Variants in FRMD3 observed in about 807,000 individuals in gnomAD.
FRMD3 encodes FERM domain-containing protein 3.
In FRMD3, 33 loss-of-function variants were observed where a neutral mutation model predicts 70.2. The ratio of observed to expected loss-of-function variants is 0.47; its 90% CI spans 0.36 to 0.63. The LOEUF (loss-of-function observed/expected upper bound fraction) is 0.63, where lower values mean the gene tolerates loss of function less well. FRMD3 is among the 20% of genes least tolerant of loss of function. The pLI, the probability that FRMD3 is intolerant of heterozygous loss-of-function variation, is 0.00. For synonymous variants in FRMD3, 279 were observed against 255.9 expected (o/e 1.09, Z -0.86); for missense variants, 632 against 711.4 (o/e 0.89, Z 1.27).
At chr9:83,569,129 G>A in the FRMD3 span, among the ~76,000 whole-genome samples, 140 of 152,236 alleles carry the variant, frequency 9.2e-4, no homozygotes, top group African/African-American at 3.3e-3. Flanking sequence ...ATTTAAAAAA[G>A]GAGAATATGG....
intron 4 of FRMD3, among the ~76,000 whole-genome samples, chr9:83,349,049 C>G (rs1824056182): frequency 6.6e-6 from 1 of 152,208 alleles, no homozygotes; most frequent in African/African-American, 2.4e-5. Context: ...GTTAAGCGCA[C>G]AGCAGCGCTC....
At chr9:83,439,393 C>T (rs1827233676) in intron 1 of FRMD3, among the ~76,000 whole-genome samples, 1 of 152,190 alleles carries the variant, frequency 6.6e-6, no homozygotes, top group South Asian at 2.1e-4. Context: ...TTCTTCTTCA[C>T]AACTGGTTTG....
At chr9:83,443,021 G>A (rs935814718) in intron 1 of FRMD3, among the ~76,000 whole-genome samples, 1 of 152,170 alleles carries the variant, frequency 6.6e-6, no homozygotes, top group Non-Finnish European at 1.5e-5. Context: ...CCTTAGATGT[G>A]TATGTATAGA....
chr9:83,248,737 TG>T, intron 13 of FRMD3, among the ~76,000 whole-genome samples: 2 of 152,330 alleles, frequency 1.3e-5, no homozygotes, highest in Non-Finnish European at 2.9e-5. Context: ...ACTTCTCAAA[TG>T]GTTGGCAATA....
At chr9:83,256,561 A>G (rs11789998) in intron 13 of FRMD3, among the ~76,000 whole-genome samples, 49,803 of 152,044 alleles carry the variant, frequency 0.33, 8,844 homozygotes, top group Middle Eastern at 0.48. Context: ...AGAAACCATC[A>G]TCAGAGCAAA....
chr9:83,295,436 G>T (rs1324706010), intron 12 of FRMD3, among the ~76,000 whole-genome samples: 2 of 152,132 alleles, frequency 1.3e-5, no homozygotes, highest in Non-Finnish European at 2.9e-5. Context: ...GAATGTATCT[G>T]TCATATTCCA....
rs1299011371 is a variant in FRMD3 at position 83,245,546 on chromosome 9, ATATTT to A, written c.*2367_*2371del. On this transcript the variant is annotated 3_prime_UTR_variant, in exon 14 of 14. Coordinates refer to ENST00000304195, the MANE Select transcript of FRMD3 (RefSeq NM_174938.6). ...TGTTAGCTGGAAATGTTAAAATAATATATTTATTACTCCTTAAGATAAATCTGCAT... is the reference window on the plus strand; with the variant it reads ...TGTTAGCTGGAAATGTTAAAATAATAATTACTCCTTAAGATAAATCTGCAT... 5 of 934,504 alleles carry A rather than the reference ATATTT, an allele frequency of 5.4e-6. No homozygotes were observed. In the African/African-American group the frequency reaches 8.9e-5, roughly 17 times the overall value. The allele number at this position is 934,504 out of a possible 1,614,324, so 57.9% of individuals were successfully genotyped here. A position where few individuals can be genotyped will look rare whatever the true frequency, so the allele number is the denominator to read the frequency against.
intron 1 of FRMD3, among the ~76,000 whole-genome samples, chr9:83,471,805 T>C (rs1006117784): frequency 5.3e-5 from 8 of 152,216 alleles, no homozygotes; most frequent in Non-Finnish European, 1.2e-4. Context: ...GCTGTTTTAC[T>C]GACTGAACCC....
chr9:83,243,290 C>A (rs138720391), downstream of FRMD3: 75 of 1,418,186 alleles, frequency 5.3e-5, 1 homozygote, highest in Admixed American at 7.9e-5. Flanking sequence ...AAGTAAGCAG[C>A]GACCTTCAGC....
intron 3 of FRMD3, among the ~76,000 whole-genome samples, chr9:83,356,592 T>C (rs1330696548): frequency 1.3e-5 from 2 of 151,722 alleles, no homozygotes; most frequent in African/African-American, 2.4e-5. Flanking sequence ...TTTTTTTTTT[T>C]CTTAAAACCA....
Position 83,263,356 on chromosome 9 carries a change from C to T in FRMD3, c.1196-14840G>A, listed in dbSNP as rs931533203. On this transcript the variant is annotated intron_variant, in intron 13 of 13. Transcript: ENST00000304195. ...CATACCATCTTCTGGATCTCTTTAT[C>T]TTCACAGTCAGTCATTACACTGTGC... Among the ~76,000 whole-genome samples, 8 of 152,356 alleles carry T rather than the reference C, an allele frequency of 5.3e-5. No homozygotes were observed. The South Asian group carries it at 1.7e-3, about 32-fold the overall frequency.
chr9:83,448,568 C>T (rs546757362), intron 1 of FRMD3, among the ~76,000 whole-genome samples: 3 of 152,282 alleles, frequency 2.0e-5, no homozygotes, highest in Non-Finnish European at 2.9e-5. Context: ...CAAGTCAGCA[C>T]CAGCTCGGTT....
chr9:83,541,777 G>A (rs1027915345), upstream of FRMD3, among the ~76,000 whole-genome samples: 1 of 152,144 alleles, frequency 6.6e-6, no homozygotes, highest in Admixed American at 6.5e-5. Context: ...GTGACTCATA[G>A]GGATTTTGCT....
intron 1 of FRMD3, among the ~76,000 whole-genome samples, chr9:83,396,627 T>C (rs1457388169): frequency 1.3e-5 from 2 of 152,170 alleles, no homozygotes; most frequent in Admixed American, 1.3e-4. Context: ...CTGGGATAAT[T>C]CTTATTTACT....
At chr9:83,271,342 C>T (rs527965881) in intron 13 of FRMD3, among the ~76,000 whole-genome samples, 26 of 152,070 alleles carry the variant, frequency 1.7e-4, no homozygotes, top group Admixed American at 9.8e-4. Context: ...CATTAAGTAT[C>T]CATTAAAAAG....
At chr9:83,573,037 C>T in the FRMD3 span, among the ~76,000 whole-genome samples, 24 of 151,280 alleles carry the variant, frequency 1.6e-4, no homozygotes, top group African/African-American at 3.2e-4. Flanking sequence ...ATAAAAATGA[C>T]GGAAGAATGT....
chr9:83,500,004 G>C (rs1238977690), intron 1 of FRMD3, among the ~76,000 whole-genome samples: 3 of 152,150 alleles, frequency 2.0e-5, no homozygotes, highest in African/African-American at 7.2e-5. Flanking sequence ...AGTCTGAGAA[G>C]ACTAACTTTT....
chr9:83,318,858 G>T (rs1835687449), intron 6 of FRMD3, among the ~76,000 whole-genome samples: 1 of 152,084 alleles, frequency 6.6e-6, no homozygotes, highest in Admixed American at 6.6e-5. Flanking sequence ...GTGTAAGATG[G>T]TCTCTCATTG....
intron 1 of FRMD3, among the ~76,000 whole-genome samples, chr9:83,494,145 C>A (rs543698147): frequency 6.6e-6 from 1 of 152,322 alleles, no homozygotes; most frequent in African/African-American, 2.4e-5. Flanking sequence ...CTGGGGGCAA[C>A]TGGGAAAGGC....
Sources: gnomAD v4.1 joint callset for allele counts (sites outside exome capture counted in the v4.1 genomes callset) on GRCh38, gnomAD v4.1.1 for gene constraint, MANE v1.5 for transcripts, NCBI Gene and HGNC (gene_info 2026-07-23, HGNC 2026-07-21) for gene names.